SMYD4: variants seen among roughly 807,000 people sequenced by gnomAD.
The protein encoded by SMYD4 is SET and MYND domain containing 4.
A neutral mutation model predicts 72.8 loss-of-function variants in SMYD4; 68 were observed. That is an observed-to-expected ratio of 0.93 (90% CI 0.77 to 1.14). The LOEUF is 1.14. Ranked by LOEUF, SMYD4 falls within the 50% of genes most tolerant of loss-of-function variation. The pLI is 0.00. For missense variants in SMYD4, 984 were observed against 1,003.7 expected (o/e 0.98, Z 0.27); for synonymous variants, 407 against 388.6 (o/e 1.05, Z -0.56).
intron 7 of SMYD4, among the ~76,000 whole-genome samples, chr17:1,786,067 T>C (rs1908674954): frequency 6.6e-6 from 1 of 152,214 alleles, no homozygotes; most frequent in Admixed American, 6.5e-5. Context: ...GGGTGTGGCA[T>C]GTGGCTCACA....
At chr17:1,787,025 C>T in intron 6 of SMYD4, 52 bp from the exon 7 acceptor site, 1 of 1,599,532 alleles carries the variant, frequency 6.3e-7, no homozygotes, top group Non-Finnish European at 8.5e-7. Context: ...GAGTCAAACA[C>T]TACGTAAAAA....
intron 3 of SMYD4, among the ~76,000 whole-genome samples, chr17:1,806,975 C>A (rs1389511292): frequency 6.6e-6 from 1 of 151,890 alleles, no homozygotes; most frequent in African/African-American, 2.4e-5. Context: ...ACTGCAACCT[C>A]CGCCTCCCGG....
chr17:1,784,479 C>T lies in SMYD4; in HGVS notation c.1885-18G>A. On this transcript the variant is annotated intron_variant, in intron 7 of 10. Coordinates refer to ENST00000305513, the MANE Select transcript of SMYD4 (RefSeq NM_052928.3). ...TCATCTCCCTGTGGAAGTCAGTTTT[C>T]TCTTTATTCCAATGCCAGGGTCAGT... 6.2e-7 allele frequency: 1 copy of T among 1,613,764 alleles called. No homozygotes were observed. The highest frequency in any genetic ancestry group is 8.5e-7 in the Non-Finnish European group (1 of 1,179,862).
At chr17:1,798,534 G>T (rs1345033187) in intron 5 of SMYD4, among the ~76,000 whole-genome samples, 1 of 151,874 alleles carries the variant, frequency 6.6e-6, no homozygotes, top group Non-Finnish European at 1.5e-5. Flanking sequence ...AGGCTGAGGC[G>T]GGAGGATTGC....
intron 3 of SMYD4, among the ~76,000 whole-genome samples, chr17:1,805,702 C>T (rs1030209114): frequency 3.3e-5 from 5 of 151,704 alleles, no homozygotes; most frequent in Admixed American, 6.6e-5. Flanking sequence ...ATCCCAGTTA[C>T]TCGGGTGGGT....
At chr17:1,829,234 C>T (rs1392772006) in intron 1 of SMYD4, 3 of 72,814 alleles carry the variant, frequency 4.1e-5, no homozygotes, top group Non-Finnish European at 8.1e-5. Flanking sequence ...GTCACTTACT[C>T]CTCTGCATGC....
Position 1,799,527 on chromosome 17 carries a change from G to C in SMYD4, c.1537+330C>G, listed in dbSNP as rs533136297. On this transcript the variant is annotated intron_variant, in intron 5 of 10. Coordinates refer to ENST00000305513, the MANE Select transcript of SMYD4 (RefSeq NM_052928.3). The stretch of plus-strand genomic sequence containing the variant: ...TGGGACTACAGGCATGTACCACCAT[G>C]CCCAGCTAATTTTTTTATTTTTATT... 1.3e-3 allele frequency among the ~76,000 whole-genome samples: 190 copies of C among 151,792 alleles called. 1 individual carries two copies. The highest frequency in any genetic ancestry group is 4.2e-3 in the African/African-American group (173 of 41,448).
intron 5 of SMYD4, 121 bp from the exon 6 acceptor site, chr17:1,787,725 C>T: frequency 1.0e-6 from 1 of 979,700 alleles, no homozygotes. Flanking sequence ...CATGGCTCCA[C>T]AGCCAGATCC....
chr17:1,784,498 G>A (rs1908546026), intron 7 of SMYD4, 37 bp from the exon 8 acceptor site: 19 of 1,612,630 alleles, frequency 1.2e-5, no homozygotes, highest in Non-Finnish European at 1.4e-5. Context: ...CCAATGCCAG[G>A]GTCAGTTATC....
intron 2 of SMYD4, among the ~76,000 whole-genome samples, chr17:1,815,660 A>C (rs887387510): frequency 1.7e-5 from 2 of 114,860 alleles, no homozygotes; most frequent in African/African-American, 7.8e-5. Context: ...CCTGCCTTAA[A>C]AAAAAAAAAA....
At chr17:1,784,599 G>C in intron 7 of SMYD4, 138 bp from the exon 8 acceptor site, 1 of 1,467,998 alleles carries the variant, frequency 6.8e-7, no homozygotes, top group Non-Finnish European at 9.0e-7. Flanking sequence ...CGTGACGAAA[G>C]TCTGAGCGAA....
At chr17:1,810,788 T>C (rs77651432) in intron 3 of SMYD4, among the ~76,000 whole-genome samples, 2 of 152,328 alleles carry the variant, frequency 1.3e-5, no homozygotes, top group South Asian at 2.1e-4. Flanking sequence ...GTCAGGAGTA[T>C]GCCGGCGGAA....
chr17:1,779,887 T>G lies in SMYD4; in HGVS notation c.*1399A>C, dbSNP rs1908280453. ...TTCCCACTGGAGTGGTGCACACATC[T>G]CATTACTACTAAAACCACAGGAATG... On this transcript the variant is annotated 3_prime_UTR_variant, in exon 11 of 11. Transcript: ENST00000305513. 2 of 152,664 alleles carry G rather than the reference T, an allele frequency of 1.3e-5. No individual in the cohort carries two copies. The highest frequency in any genetic ancestry group is 2.9e-5 in the Non-Finnish European group (2 of 68,042). 9.5% of individuals were successfully genotyped at this position (152,664 alleles called of 1,614,324 possible). A position where few individuals can be genotyped will look rare whatever the true frequency, so the allele number is the denominator to read the frequency against.
chr17:1,792,898 G>A (rs1025625971), intron 5 of SMYD4, among the ~76,000 whole-genome samples: 6 of 151,812 alleles, frequency 4.0e-5, no homozygotes, highest in African/African-American at 1.2e-4. Context: ...ACCACAACCC[G>A]GCTTTAGATT....
Position 1,799,666 on chromosome 17 carries a change from G to A in SMYD4, c.1537+191C>T, listed in dbSNP as rs148819244. 2.2e-3 allele frequency among the ~76,000 whole-genome samples: 334 copies of A among 152,224 alleles called. 1 individual carries two copies. The highest frequency in any genetic ancestry group is 3.6e-3 in the Non-Finnish European group (246 of 68,004). On this transcript the variant is annotated intron_variant, in intron 5 of 10. Coordinates refer to ENST00000305513, the MANE Select transcript of SMYD4 (RefSeq NM_052928.3). ...TGGGATTATAGGAGTGGGCCACCAC[G>A]CCTGGCAGGATCAAATAATTTAAGG...
At chr17:1,818,908 A>C (rs1245485052) in intron 2 of SMYD4, among the ~76,000 whole-genome samples, 1 of 152,004 alleles carries the variant, frequency 6.6e-6, no homozygotes, top group African/African-American at 2.4e-5. Flanking sequence ...TCAGCCTCCC[A>C]AAGTGCTGGG....
intron 4 of SMYD4, chr17:1,804,419 C>T (rs971775070): frequency 3.4e-5 from 15 of 439,670 alleles, no homozygotes; most frequent in South Asian, 1.1e-4. Flanking sequence ...TCAGGTGATC[C>T]GCCCGCCTTG....
chr17:1,796,450 T>G (rs1909417284), intron 5 of SMYD4, among the ~76,000 whole-genome samples: 1 of 151,702 alleles, frequency 6.6e-6, no homozygotes, highest in South Asian at 2.1e-4. Flanking sequence ...GTATTCTTTT[T>G]TTTTTGAGAT....
At chr17:1,797,773 G>C (rs916415315) in intron 5 of SMYD4, among the ~76,000 whole-genome samples, 3 of 151,976 alleles carry the variant, frequency 2.0e-5, no homozygotes, top group Admixed American at 1.3e-4. Flanking sequence ...AGGCCAAGGT[G>C]GGTGGCTCAC....
Sources: allele counts gnomAD v4.1 joint callset (sites outside exome capture counted in the v4.1 genomes callset), GRCh38; gene constraint gnomAD v4.1.1; transcripts MANE v1.5; gene names NCBI Gene and HGNC (gene_info 2026-07-23, HGNC 2026-07-21).